SLC30A8: variants seen among roughly 807,000 people sequenced by gnomAD.
SLC30A8 encodes the protein solute carrier family 30 member 8, also known as proton-coupled zinc antiporter SLC30A8.
Under a neutral mutation model 36.9 loss-of-function variants are expected in SLC30A8, and 27 were observed. The observed-to-expected ratio is 0.73, with a 90% CI of 0.54 to 1.01. The LOEUF (loss-of-function observed/expected upper bound fraction) is 1.01. Ranked by LOEUF, SLC30A8 falls within the 50% of genes least tolerant of loss-of-function variation. SLC30A8 has a pLI of 0.00. For synonymous variants in SLC30A8, 164 were observed against 172.4 expected, an observed-to-expected ratio of 0.95 and a Z score of 0.38; for missense variants, 439 against 452.0, an observed-to-expected ratio of 0.97 and a Z score of 0.26.
chr8:117,089,274 C>G (rs1402200706), intron 2 of SLC30A8, among the ~76,000 whole-genome samples: 2 of 152,150 alleles, frequency 1.3e-5, no homozygotes, highest in Admixed American at 1.3e-4. Flanking sequence ...TTCCATAGCT[C>G]TTGACTTATA....
chr8:117,024,772 G>T (rs542171664), intron 1 of SLC30A8, among the ~76,000 whole-genome samples: 1 of 152,166 alleles, frequency 6.6e-6, no homozygotes, highest in East Asian at 1.9e-4. Flanking sequence ...TCCCCTATCA[G>T]TGTCTGCCCA....
At chr8:117,110,844 C>T (rs1820197515) in intron 2 of SLC30A8, among the ~76,000 whole-genome samples, 1 of 152,106 alleles carries the variant, frequency 6.6e-6, no homozygotes, top group South Asian at 2.1e-4. Flanking sequence ...ATGAGACAGG[C>T]AAATGAGGAA....
intron 2 of SLC30A8, among the ~76,000 whole-genome samples, chr8:117,100,354 C>CAA (rs1356830001): frequency 6.6e-6 from 1 of 152,110 alleles, no homozygotes; most frequent in African/African-American, 2.4e-5. Flanking sequence ...GGTACTTTCT[C>CAA]CATAAAAGTA....
At position 117,163,448 on chromosome 8, in the gene SLC30A8, A is replaced by G. The variant is rs1822895203; in HGVS notation, c.747A>G (p.Pro249=). The part of the protein sequence containing the change: ...YFKPEYKIAD[P]ICTFIFSILV... ...AGCCAGAGTATAAAATAGCCGACCCAATCTGCACATTCATCTTTTCCATCC... is the reference window on the plus strand; with the variant it reads ...AGCCAGAGTATAAAATAGCCGACCCGATCTGCACATTCATCTTTTCCATCC... Residue 249 remains proline, a synonymous_variant, in exon 6 of 8, where the codon CCA becomes CCG. Coordinates refer to ENST00000456015, the MANE Select transcript of SLC30A8 (RefSeq NM_173851.3). 6.2e-7 allele frequency: 1 copy of G among 1,613,548 alleles called. No homozygotes were observed.
At chr8:116,998,227 T>A (rs946262658) in intron 1 of SLC30A8, among the ~76,000 whole-genome samples, 1 of 152,132 alleles carries the variant, frequency 6.6e-6, no homozygotes, top group Non-Finnish European at 1.5e-5. Flanking sequence ...GGCAAACATC[T>A]TCAAAAACTG....
chr8:117,164,243 G>A (rs1329668411), intron 6 of SLC30A8: 1 of 152,228 alleles, frequency 6.6e-6, no homozygotes, highest in African/African-American at 2.4e-5. Context: ...AACATAGTGA[G>A]ACCCTGTCTC....
intron 1 of SLC30A8, among the ~76,000 whole-genome samples, chr8:117,001,345 G>T (rs1390289177): frequency 6.6e-6 from 1 of 151,730 alleles, no homozygotes; most frequent in Non-Finnish European, 1.5e-5. Context: ...AAGGCAGACT[G>T]TGGAAATGGA....
At chr8:116,953,273 C>T (rs1017811042) in intron 1 of SLC30A8, among the ~76,000 whole-genome samples, 2 of 152,016 alleles carry the variant, frequency 1.3e-5, no homozygotes, top group Admixed American at 6.6e-5. Context: ...TCTAATCCAT[C>T]GTTGATGGGC....
intron 2 of SLC30A8, among the ~76,000 whole-genome samples, chr8:117,099,023 T>C (rs997907532): frequency 6.6e-6 from 1 of 152,126 alleles, no homozygotes; most frequent in Non-Finnish European, 1.5e-5. Flanking sequence ...TAGGTTAAAC[T>C]CAGGGATGAA....
intron 1 of SLC30A8, among the ~76,000 whole-genome samples, chr8:116,978,826 A>G (rs1048871852): frequency 4.6e-5 from 7 of 152,120 alleles, no homozygotes; most frequent in Non-Finnish European, 7.4e-5. Context: ...CTTCATATAT[A>G]TATGCATATG....
chr8:117,035,292 G>A (rs1002442898), intron 1 of SLC30A8, among the ~76,000 whole-genome samples: 9 of 152,240 alleles, frequency 5.9e-5, no homozygotes, highest in African/African-American at 1.9e-4. Flanking sequence ...TACAGTAAGG[G>A]TACAGGTATT....
intron 1 of SLC30A8, among the ~76,000 whole-genome samples, chr8:116,975,342 T>C (rs1814956043): frequency 6.6e-6 from 1 of 152,236 alleles, no homozygotes; most frequent in African/African-American, 2.4e-5. Context: ...TATTTAGGAC[T>C]TTGCATATTC....
chr8:117,024,729 A>G (rs1431779231), intron 1 of SLC30A8, among the ~76,000 whole-genome samples: 1 of 152,232 alleles, frequency 6.6e-6, no homozygotes, highest in Non-Finnish European at 1.5e-5. Context: ...AAAGGTGCAG[A>G]GCAACATTCC....
At chr8:117,050,594 C>T (rs762909667) in intron 2 of SLC30A8, among the ~76,000 whole-genome samples, 1 of 151,880 alleles carries the variant, frequency 6.6e-6, no homozygotes, top group Non-Finnish European at 1.5e-5. Flanking sequence ...TTAGTAGAGA[C>T]GGGTTTCACC....
At position 117,146,950 on chromosome 8, in the gene SLC30A8, A is replaced by G. The variant is rs951805138; in HGVS notation, c.72-4A>G. On this transcript the variant is annotated splice_polypyrimidine_tract_variant and splice_region_variant and intron_variant, in intron 1 of 7. Coordinates refer to ENST00000456015, the MANE Select transcript of SLC30A8 (RefSeq NM_173851.3). ...CTTCTTGCTTCTGTCAAACTCATCC[A>G]TAGTGTGGAACTCCAACAGAAACCG... 6.2e-7 allele frequency: 1 copy of G among 1,613,810 alleles called. No homozygotes were observed. Among genetic ancestry groups the G allele is most frequent in the Non-Finnish European group, 8.5e-7 (1 of 1,179,852 alleles).
intron 6 of SLC30A8, among the ~76,000 whole-genome samples, chr8:117,169,938 A>G (rs532813052): frequency 3.3e-5 from 5 of 152,182 alleles, no homozygotes; most frequent in South Asian, 2.1e-4. Flanking sequence ...TATGCAAACT[A>G]TATCACCCAG....
At chr8:117,005,051 G>C (rs1816131651) in intron 1 of SLC30A8, among the ~76,000 whole-genome samples, 1 of 151,974 alleles carries the variant, frequency 6.6e-6, no homozygotes, top group Non-Finnish European at 1.5e-5. Flanking sequence ...CAATTCAGTG[G>C]TTTTACTATT....
intron 1 of SLC30A8, among the ~76,000 whole-genome samples, chr8:117,002,585 T>C (rs1816046723): frequency 6.6e-6 from 1 of 152,058 alleles, no homozygotes; most frequent in African/African-American, 2.4e-5. Flanking sequence ...TATTGAAAGA[T>C]GGTTTTTTTG....
At chr8:117,163,374 T>C (rs1322988899) in intron 5 of SLC30A8, 51 bp from the exon 6 acceptor site, 1 of 1,386,208 alleles carries the variant, frequency 7.2e-7, no homozygotes, top group Non-Finnish European at 1.0e-6. Flanking sequence ...TCAGACTTTC[T>C]GAAAGAGAGG....
Sources: gnomAD v4.1 joint callset for allele counts (sites outside exome capture counted in the v4.1 genomes callset) on GRCh38, gnomAD v4.1.1 for gene constraint, MANE v1.5 for transcripts, NCBI Gene and HGNC (gene_info 2026-07-23, HGNC 2026-07-21) for gene names.